CES1: variants seen among roughly 807,000 people sequenced by gnomAD.
The protein encoded by CES1 is carboxylesterase 1.
In CES1, 50 loss-of-function variants were observed where a neutral mutation model predicts 53.0. That is an observed-to-expected ratio of 0.94 (90% CI 0.75 to 1.19). CES1 has a LOEUF of 1.19. Ranked by LOEUF, CES1 falls within the 50% of genes most tolerant of loss-of-function variation. CES1 has a pLI of 0.00. For synonymous variants in CES1, 202 were observed against 210.1 expected (o/e 0.96, Z 0.33); for missense variants, 534 against 538.0 (o/e 0.99, Z 0.07).
intron 11 of CES1, among the ~76,000 whole-genome samples, chr16:55,809,133 G>A (rs1367014884): frequency 1.8e-5 from 2 of 111,218 alleles, no homozygotes; most frequent in East Asian, 4.4e-4. Flanking sequence ...AAAGTCATGG[G>A]AAACCAGATG....
At chr16:55,832,868 A>G in intron 1 of CES1, 136 bp downstream of exon 1, 1 of 873,524 alleles carries the variant, frequency 1.1e-6, no homozygotes, top group Non-Finnish European at 1.9e-6. Context: ...TCCAAGTCCA[A>G]GTCCTAATAT....
chr16:55,831,527 T>C (rs1416382836), intron 1 of CES1, among the ~76,000 whole-genome samples: 1 of 145,180 alleles, frequency 6.9e-6, no homozygotes, highest in Non-Finnish European at 1.5e-5. Flanking sequence ...GCATTCCAGT[T>C]TTTTAAATTA....
At chr16:55,829,052 T>A in intron 1 of CES1, 78 bp from the exon 2 acceptor site, 1 of 1,469,704 alleles carries the variant, frequency 6.8e-7, no homozygotes, top group Non-Finnish European at 9.3e-7. Flanking sequence ...TGCCGCTTTC[T>A]AAGTGAGTGA....
intron 1 of CES1, among the ~76,000 whole-genome samples, chr16:55,829,320 G>C (rs2032549599): frequency 6.6e-6 from 1 of 152,184 alleles, no homozygotes; most frequent in Non-Finnish European, 1.5e-5. Flanking sequence ...TGGATGAGAG[G>C]ATGAAAAAGG....
chr16:55,817,407 T>A (rs2031989422), intron 7 of CES1, among the ~76,000 whole-genome samples: 2 of 152,218 alleles, frequency 1.3e-5, no homozygotes, highest in South Asian at 4.1e-4. Context: ...TACACGACGA[T>A]GCTATTGCAA....
chr16:55,816,797 G>A, intron 8 of CES1, 127 bp downstream of exon 8: 2 of 1,199,070 alleles, frequency 1.7e-6, no homozygotes, highest in South Asian at 1.2e-5. Flanking sequence ...ACCCCTCTCT[G>A]GGCCTCAGAA....
intron 8 of CES1, among the ~76,000 whole-genome samples, chr16:55,813,721 C>T (rs1342905271): frequency 6.6e-6 from 1 of 152,150 alleles, no homozygotes; most frequent in Non-Finnish European, 1.5e-5. Flanking sequence ...GGCACCTTCC[C>T]CGTAAGGCAC....
At chr16:55,825,780 T>C (rs2032391467) in intron 3 of CES1, among the ~76,000 whole-genome samples, 1 of 152,156 alleles carries the variant, frequency 6.6e-6, no homozygotes, top group Non-Finnish European at 1.5e-5. Flanking sequence ...AAAGGAAGAG[T>C]TGGGGTGTTG....
chr16:55,813,606 A>G (rs2031801048), intron 8 of CES1, among the ~76,000 whole-genome samples: 1 of 152,190 alleles, frequency 6.6e-6, no homozygotes, highest in African/African-American at 2.4e-5. Context: ...GAATCGGCCA[A>G]TTTCCTTCTC....
intron 3 of CES1, 132 bp downstream of exon 3, chr16:55,826,019 C>G: frequency 8.7e-7 from 1 of 1,148,274 alleles, no homozygotes; most frequent in South Asian, 1.2e-5. Flanking sequence ...CCTGTGGAGG[C>G]CCTGGGGTCT....
At chr16:55,811,090 A>G in intron 9 of CES1, 80 bp from the exon 10 acceptor site, 1 of 1,188,008 alleles carries the variant, frequency 8.4e-7, no homozygotes, top group Non-Finnish European at 1.2e-6. Flanking sequence ...CAACCAAACC[A>G]ATGCAGTCTG....
intron 9 of CES1, among the ~76,000 whole-genome samples, chr16:55,812,094 C>G (rs1488640240): frequency 1.3e-5 from 2 of 152,210 alleles, no homozygotes; most frequent in Non-Finnish European, 2.9e-5. Flanking sequence ...TGTGAGTCCA[C>G]TCCACGCTGG....
chr16:55,827,103 C>T (rs28613057), intron 2 of CES1, among the ~76,000 whole-genome samples: 4,685 of 152,008 alleles, frequency 0.031, 222 homozygotes, highest in African/African-American at 0.11. Context: ...CAGTCCCAGA[C>T]CTCAATGTAC....
Position 55,816,967 on chromosome 16 carries a change from G to A in CES1, c.907-5C>T, listed in dbSNP as rs139629761. 2,344 of 1,614,112 alleles carry A rather than the reference G, an allele frequency of 1.5e-3. 35 individuals are homozygous for A. The African/African-American group carries it at 0.028, about 19-fold the overall frequency. On this transcript the variant is annotated splice_polypyrimidine_tract_variant and splice_region_variant and intron_variant, in intron 7 of 13. Transcript: ENST00000360526. ...TAAGTCCAGAGATAAGAATTTCTGTGAAGACAAAGGCAGAGGATGTGGGTG... is the reference window on the plus strand; with the variant it reads ...TAAGTCCAGAGATAAGAATTTCTGTAAAGACAAAGGCAGAGGATGTGGGTG...
chr16:55,817,010 A>G (rs371537606), intron 7 of CES1, 48 bp from the exon 8 acceptor site: 4,927 of 1,606,810 alleles, frequency 3.1e-3, no homozygotes, highest in Non-Finnish European at 3.9e-3. Context: ...TACCAGGAGA[A>G]CACTGAGCTG....
In CES1 at chr16:55,826,077, T is replaced by C. The variant is rs2032401629; in HGVS notation, c.405+74A>G. The C allele has an allele frequency of 5.6e-6, 9 of 1,596,032 alleles. No individual in the cohort carries two copies. In the South Asian group the frequency reaches 7.7e-5, roughly 14 times the overall value. On this transcript the variant is annotated intron_variant, in intron 3 of 13. Transcript: ENST00000360526. ...AGCTCCCTCCCCAAGCTGCCTTCAC[T>C]CCCTTCCATTCTGCCCCAGAAGATG...
In CES1 at chr16:55,830,574, A is replaced by T. The variant is rs1472669543; in HGVS notation, c.53-1600T>A. 2.0e-5 allele frequency among the ~76,000 whole-genome samples: 3 copies of T among 152,172 alleles called. No homozygotes were observed. The South Asian group carries it at 6.2e-4, about 31-fold the overall frequency. ...TCCCAGCACTTTGGGAGGCCAAGGC[A>T]GGCAGATCATTTGAGGTCAGGAGTT... is the stretch of plus-strand genomic sequence containing the variant. On this transcript the variant is annotated intron_variant, in intron 1 of 13. Coordinates refer to ENST00000360526, the MANE Select transcript of CES1 (RefSeq NM_001025195.2).
intron 6 of CES1, chr16:55,819,945 A>C: frequency 3.6e-6 from 2 of 558,994 alleles, no homozygotes; most frequent in Non-Finnish European, 6.4e-6. Context: ...GAGAGCATGG[A>C]ATCCTGAATT....
At chr16:55,816,396 G>A (rs2031946343) in intron 8 of CES1, among the ~76,000 whole-genome samples, 1 of 152,226 alleles carries the variant, frequency 6.6e-6, no homozygotes, top group East Asian at 1.9e-4. Flanking sequence ...GCAGCAGAGA[G>A]GACAGGATTG....
Sources: allele counts gnomAD v4.1 joint callset (sites outside exome capture counted in the v4.1 genomes callset), GRCh38; gene constraint gnomAD v4.1.1; transcripts MANE v1.5; gene names NCBI Gene and HGNC (gene_info 2026-07-23, HGNC 2026-07-21).